MIB1: variants seen among roughly 807,000 people sequenced by gnomAD.
MIB1 encodes E3 ubiquitin-protein ligase MIB1.
A neutral mutation model predicts 124.5 loss-of-function variants in MIB1; 278 were observed. The ratio of observed to expected loss-of-function variants is 2.23; its 90% CI spans 2.02 to 2.47. MIB1 has a LOEUF of 2.47. Among genes scored for constraint, MIB1 ranks in the 30% most tolerant of loss-of-function variants. The probability of loss-of-function intolerance (pLI) is 0.00; values close to 1 mark genes in which losing one functional copy is unlikely to be tolerated. For missense variants in MIB1, 957 were observed against 1,254.4 expected, an observed-to-expected ratio of 0.76 and a Z score of 3.58; for synonymous variants, 446 against 429.4, an observed-to-expected ratio of 1.04 and a Z score of -0.48.
chr18:21,737,925 T>C (rs2040803165), upstream of MIB1, among the ~76,000 whole-genome samples: 1 of 152,100 alleles, frequency 6.6e-6, no homozygotes, highest in South Asian at 2.1e-4. Flanking sequence ...CACACAATAA[T>C]AGTGGGAGAC....
intron 13 of MIB1, among the ~76,000 whole-genome samples, chr18:21,839,343 A>G (rs945892487): frequency 2.0e-5 from 3 of 152,164 alleles, no homozygotes; most frequent in Non-Finnish European, 4.4e-5. Flanking sequence ...GTTAATTATG[A>G]TAATTCCTTT....
At chr18:21,795,485 A>G (rs1279732925) in intron 7 of MIB1, among the ~76,000 whole-genome samples, 1 of 150,166 alleles carries the variant, frequency 6.7e-6, no homozygotes, top group Non-Finnish European at 1.5e-5. Context: ...ATGAAGTTAC[A>G]AATAAGCGTT....
chr18:21,827,888 C>G (rs747299262), intron 12 of MIB1: 1 of 151,784 alleles, frequency 6.6e-6, no homozygotes. Context: ...AAATATTATG[C>G]TTTTATACAT....
In MIB1 at chr18:21,741,841, G is replaced by A. The variant is rs1208470744; in HGVS notation, c.229+29G>A. On this transcript the variant is annotated intron_variant, in intron 1 of 20. Transcript: ENST00000261537. The surrounding 1 kb of genome is among the most constrained non-coding windows in gnomAD (Gnocchi z 5.4). The stretch of plus-strand genomic sequence containing the variant: ...AGCCGCGGCCACCTGGCCAGGGCTT[G>A]CGCGCGCGGGGGGAAGGGGCGAGCT... 1.2e-5 allele frequency: 19 copies of A among 1,535,208 alleles called. No homozygotes were observed. The highest frequency in any genetic ancestry group is 1.6e-5 in the Non-Finnish European group (18 of 1,138,156).
At chr18:21,788,926 A>G (rs1379058576) in intron 6 of MIB1, among the ~76,000 whole-genome samples, 1 of 152,258 alleles carries the variant, frequency 6.6e-6, no homozygotes, top group Non-Finnish European at 1.5e-5. Context: ...AGACTTGTAC[A>G]GTGAAAACTA....
At position 21,706,720 on chromosome 18, in the gene MIB1, C is replaced by G. The variant is rs534531443; in HGVS notation, n.167+1597C>G. On this transcript the variant is annotated intron_variant and non_coding_transcript_variant, in intron 1 of 20. Transcript: ENST00000578646. Reference sequence around the variant, plus strand: ...GCAGTGCCAGCCCGCCAGCGCTGCACTGGAATTCTTGCTGGGCCTCAGCTG... The same window carrying G: ...GCAGTGCCAGCCCGCCAGCGCTGCAGTGGAATTCTTGCTGGGCCTCAGCTG... Among the ~76,000 whole-genome samples, 398 of 152,300 alleles carry G rather than the reference C, an allele frequency of 2.6e-3. 1 individual carries two copies. In the Middle Eastern group the frequency reaches 0.034, roughly 13 times the overall value.
At chr18:21,769,227 C>G (rs558319049) in intron 3 of MIB1, among the ~76,000 whole-genome samples, 14 of 152,194 alleles carry the variant, frequency 9.2e-5, no homozygotes, top group African/African-American at 3.4e-4. Flanking sequence ...AGGAGTAGGT[C>G]AAAGCAGAAT....
chr18:21,764,819 A>G (rs538375949), intron 1 of MIB1, among the ~76,000 whole-genome samples: 2 of 152,316 alleles, frequency 1.3e-5, no homozygotes, highest in South Asian at 4.1e-4. Context: ...AAGGACATAA[A>G]AGTAAATACA....
At chr18:21,773,349 A>G (rs916001638) in intron 3 of MIB1, among the ~76,000 whole-genome samples, 11 of 152,242 alleles carry the variant, frequency 7.2e-5, no homozygotes, top group South Asian at 2.1e-4. Context: ...ATCAAATTCT[A>G]TTTTCTGATA....
intron 10 of MIB1, among the ~76,000 whole-genome samples, chr18:21,814,668 G>C (rs952281519): frequency 3.3e-5 from 5 of 151,898 alleles, no homozygotes; most frequent in Non-Finnish European, 5.9e-5. Context: ...CTGCCTCCCG[G>C]ATTCAAGCAG....
chr18:21,734,693 T>C (rs2040788233), intron 1 of MIB1, among the ~76,000 whole-genome samples: 1 of 151,850 alleles, frequency 6.6e-6, no homozygotes, highest in South Asian at 2.1e-4. Context: ...CACGCCTGGC[T>C]AATTTTTGTA....
intron 11 of MIB1, among the ~76,000 whole-genome samples, chr18:21,816,844 G>A (rs1420525807): frequency 6.6e-6 from 1 of 152,104 alleles, no homozygotes; most frequent in Non-Finnish European, 1.5e-5. Context: ...GGGATCTAGA[G>A]TATGTCCTTG....
At chr18:21,804,837 A>G (rs1467477655) in intron 10 of MIB1, among the ~76,000 whole-genome samples, 1 of 152,124 alleles carries the variant, frequency 6.6e-6, no homozygotes, top group Non-Finnish European at 1.5e-5. Context: ...ATTTAAAAAG[A>G]TGCATATTGG....
chr18:21,836,671 TTTACA>T (rs1284533967), intron 12 of MIB1, among the ~76,000 whole-genome samples: 2 of 152,250 alleles, frequency 1.3e-5, no homozygotes, highest in Non-Finnish European at 2.9e-5. Flanking sequence ...ATGACAAGTA[TTTACA>T]TTATTATTTT....
At chr18:21,856,575 G>C (rs945341171) in intron 18 of MIB1, among the ~76,000 whole-genome samples, 3 of 152,126 alleles carry the variant, frequency 2.0e-5, no homozygotes, top group Admixed American at 6.5e-5. Context: ...TGTTGGGCAG[G>C]GGGAGAGAGA....
At chr18:21,802,971 C>A (rs1716583661) in intron 9 of MIB1, among the ~76,000 whole-genome samples, 1 of 152,160 alleles carries the variant, frequency 6.6e-6, no homozygotes, top group Non-Finnish European at 1.5e-5. Flanking sequence ...CATTGCACAT[C>A]AGACTTATAC....
At chr18:21,843,619 T>C (rs991845452) in intron 14 of MIB1, among the ~76,000 whole-genome samples, 9 of 152,242 alleles carry the variant, frequency 5.9e-5, no homozygotes, top group Admixed American at 3.3e-4. Flanking sequence ...CCTCTTGATA[T>C]CCTCCATGGC....
At chr18:21,758,010 T>G (rs1046327324) in intron 1 of MIB1, among the ~76,000 whole-genome samples, 1 of 152,032 alleles carries the variant, frequency 6.6e-6, no homozygotes, top group Non-Finnish European at 1.5e-5. Flanking sequence ...TCAGACCCAG[T>G]TGGGTTTGAA....
At chr18:21,803,119 T>G (rs1328000083) in intron 9 of MIB1, among the ~76,000 whole-genome samples, 1 of 152,258 alleles carries the variant, frequency 6.6e-6, no homozygotes, top group Non-Finnish European at 1.5e-5. Context: ...TTTCTCTCTT[T>G]CACAAATGTG....
Sources: gnomAD v4.1 joint callset for allele counts (sites outside exome capture counted in the v4.1 genomes callset) on GRCh38, gnomAD v4.1.1 for gene constraint, Gnocchi (gnomAD v3.1) non-coding constraint, MANE v1.5 for transcripts, NCBI Gene and HGNC (gene_info 2026-07-23, HGNC 2026-07-21) for gene names.